The following MYH3 variants were observed in gnomAD, a reference collection of about 807,000 sequenced individuals.
MYH3 encodes the protein myosin heavy chain 3.
Under a neutral mutation model 238.0 loss-of-function variants are expected in MYH3, and 130 were observed. The ratio of observed to expected loss-of-function variants is 0.55; its 90% CI spans 0.47 to 0.63. The LOEUF is 0.63. Among genes scored for constraint, MYH3 ranks in the 30% least tolerant of loss-of-function variants. The pLI is 0.00. For missense variants in MYH3, 1,853 were observed against 2,374.9 expected (o/e 0.78, Z 4.57); for synonymous variants, 880 against 924.1 (o/e 0.95, Z 0.86).
the MYH3 span, among the ~76,000 whole-genome samples, chr17:10,667,103 C>G: frequency 6.6e-6 from 1 of 152,218 alleles, no homozygotes; most frequent in Admixed American, 6.5e-5. Flanking sequence ...CACACACACT[C>G]ACACTTTTCT....
chr17:10,650,152 T>C (rs1261616494), intron 6 of MYH3, among the ~76,000 whole-genome samples: 1 of 151,974 alleles, frequency 6.6e-6, no homozygotes, highest in Non-Finnish European at 1.5e-5. Context: ...TTTTGTATTT[T>C]TTTTAGTAGA....
In MYH3 at chr17:10,638,921, A is replaced by G; in HGVS notation, c.3291T>C (p.Asp1097=). ...GAAACTGGAGGCCCAGTGTCTGCTC[A>G]TCTTCCACTTTGCTTTGAAGTTGAC... ...EYCQLQSKVE[D]EQTLGLQFQK... is the part of the protein sequence containing the mutation. Residue 1097 remains aspartate (D), a synonymous_variant, in exon 26 of 41, where the codon GAT becomes GAC. Transcript: ENST00000583535. 1 of 1,614,222 alleles carries G rather than the reference A, an allele frequency of 6.2e-7. No individual in the cohort carries two copies. Among genetic ancestry groups the G allele is most frequent in the Non-Finnish European group, 8.5e-7 (1 of 1,180,036 alleles).
chr17:10,631,612 T>C lies in MYH3; in HGVS notation c.5285A>G (p.Asp1762Gly), dbSNP rs760480479. Reference sequence around the variant, plus strand: ...GGCAGCAGGAAGGAGACGCCTTACGTCCGTGATGGCCTTCTTGGCCTTCTC... The same window carrying C: ...GGCAGCAGGAAGGAGACGCCTTACGCCCGTGATGGCCTTCTTGGCCTTCTC... ...AEEKAKKAITDAAMMAEELKK... is the reference protein window; with the variant it reads ...AEEKAKKAITGAAMMAEELKK... Residue 1762 changes from aspartate to glycine, a missense_variant and splice_region_variant, in exon 36 of 41, where the codon GAC becomes GGC. By Grantham distance (94) the Asp-to-Gly change is moderately conservative. Around this residue, in one of 3 missense-constraint regions of MYH3, gnomAD observed 1,044 missense variants for 1,192.6 expected, o/e 0.88. Transcript: ENST00000583535. The C allele has an allele frequency of 6.2e-7, 1 of 1,614,140 alleles. No homozygotes were observed. Among genetic ancestry groups the C allele is most frequent in the Non-Finnish European group, 8.5e-7 (1 of 1,180,022 alleles).
chr17:10,633,912 C>T, intron 32 of MYH3, 105 bp downstream of exon 32: 1 of 1,507,206 alleles, frequency 6.6e-7, no homozygotes, highest in South Asian at 1.1e-5. Context: ...TGCATTAACA[C>T]ACATGTGTGC....
At position 10,639,416 on chromosome 17, in the gene MYH3, C is replaced by A. The variant is rs771820066; in HGVS notation, c.2984G>T (p.Arg995Ile). Residue 995 changes from arginine to isoleucine, a missense_variant, in exon 24 of 41, where the codon AGA becomes ATA. By Grantham distance (97) the Arg-to-Ile change is moderately conservative. Coordinates refer to ENST00000583535, the MANE Select transcript of MYH3 (RefSeq NM_002470.4). ...CGCCTCTTGGAGGGCCTTCTTCTCT[C>A]TGGTTAACTTTGCAATTGTTTCATC... ...GLDETIAKLT[R>I]EKKALQEAHQ... The A allele has an allele frequency of 6.2e-7, 1 of 1,614,110 alleles. No homozygotes were observed. The highest frequency in any genetic ancestry group is 1.1e-5 in the South Asian group (1 of 91,072).
upstream of MYH3, among the ~76,000 whole-genome samples, chr17:10,662,028 C>CT (rs113018125): frequency 5.4e-4 from 76 of 140,744 alleles, no homozygotes; most frequent in South Asian, 1.4e-3. Flanking sequence ...TTCTTTCTTT[C>CT]TTTTTTTTTT....
rs200111154 is a variant in MYH3, at chr17:10,630,414, G to C, written c.5331C>G (p.Ser1777Arg). The change falls in exon 37 of 41, where the codon AGC (serine) becomes AGG (arginine). Residue 1777 changes from serine (S) to arginine (R), a missense_variant. Physicochemically the swap from Ser to Arg is moderately radical, Grantham distance 110. Around this residue, in one of 3 missense-constraint regions of MYH3, gnomAD observed 1,044 missense variants for 1,192.6 expected, o/e 0.88. Transcript: ENST00000583535. Reference sequence around the variant, plus strand: ...TCTTCTTCATCCGCTCAAGGTGGGCGCTGGTGTCCTGCTCCTTCTTCAGCT... The same window carrying C: ...TCTTCTTCATCCGCTCAAGGTGGGCCCTGGTGTCCTGCTCCTTCTTCAGCT... ...AEELKKEQDT[S>R]AHLERMKKNL... 1.2e-6 allele frequency: 2 copies of C among 1,614,178 alleles called. No homozygotes were observed. Among genetic ancestry groups the C allele is most frequent in the Non-Finnish European group, 8.5e-7 (1 of 1,180,040 alleles).
In MYH3 at chr17:10,638,165, C is replaced by A. The variant is rs1223550924; in HGVS notation, c.3607G>T (p.Glu1203Ter). ...AGGTTGTCAATCTGCTCCCCAAGCT[C>A]GGCCACACTATCCGCATGCTTCTTC... ...LRKKHADSVA[E>*]LGEQIDNLQR... Residue 1203 changes from glutamate to a stop codon, truncating the protein, a stop_gained, in exon 27 of 41, where the codon GAG becomes TAG. Transcript: ENST00000583535. LOFTEE classifies it high-confidence loss of function. 2 of 1,613,876 alleles carry A rather than the reference C, an allele frequency of 1.2e-6. No homozygotes were observed. The highest frequency in any genetic ancestry group is 1.7e-6 in the Non-Finnish European group (2 of 1,179,996).
At chr17:10,648,144 G>A (rs1015175893) in intron 8 of MYH3, among the ~76,000 whole-genome samples, 1 of 152,012 alleles carries the variant, frequency 6.6e-6, no homozygotes, top group African/African-American at 2.4e-5. Context: ...TCATCTCATG[G>A]AACTGGCCCC....
In MYH3 at chr17:10,634,066, T is replaced by C. The variant is rs371185898; in HGVS notation, c.4473A>G (p.Glu1491=). The stretch of plus-strand genomic sequence containing the variant: ...TCACAGTTTCAAGTTGATCTAAGGC[T>C]TCCTCGTAGGCATTTTTCAGTTTGA... The part of the protein sequence containing the change: ...ELFKLKNAYE[E]ALDQLETVKR... Residue 1491 remains glutamate (E), a synonymous_variant, in exon 32 of 41, where the codon GAA becomes GAG. Transcript: ENST00000583535. The C allele has an allele frequency of 2.5e-6, 4 of 1,614,080 alleles. No individual in the cohort carries two copies. In the African/African-American group the frequency reaches 5.3e-5, roughly 22 times the overall value.
chr17:10,664,553 TGTGA>T, the MYH3 span, among the ~76,000 whole-genome samples: 1 of 152,146 alleles, frequency 6.6e-6, no homozygotes, highest in Non-Finnish European at 1.5e-5. Flanking sequence ...AACTTCGATC[TGTGA>T]GTGAAAGGGA....
upstream of MYH3, among the ~76,000 whole-genome samples, chr17:10,659,963 C>T (rs1416991169): frequency 6.6e-6 from 1 of 152,198 alleles, no homozygotes; most frequent in Admixed American, 6.5e-5. Flanking sequence ...CATTTGGAAA[C>T]GTATCTTTAG....
Position 10,631,834 on chromosome 17 carries a change from C to T in MYH3, c.5139G>A (p.Arg1713=). 6.2e-7 allele frequency: 1 copy of T among 1,614,138 alleles called. No homozygotes were observed. The highest frequency in any genetic ancestry group is 8.5e-7 in the Non-Finnish European group (1 of 1,180,020). ...AEQELLDSNE[R]VQLLHTQNTS... Reference sequence around the variant, plus strand: ...TCACCTGGGTATGCAGCAGCTGCACCCTCTCGTTGGAGTCCAGGAGCTCCT... The same window carrying T: ...TCACCTGGGTATGCAGCAGCTGCACTCTCTCGTTGGAGTCCAGGAGCTCCT... Residue 1713 remains arginine, a synonymous_variant, in exon 35 of 41, where the codon AGG becomes AGA. Transcript: ENST00000583535.
chr17:10,635,261 G>T (rs188363659), intron 30 of MYH3, 106 bp downstream of exon 30: 7 of 1,572,902 alleles, frequency 4.5e-6, no homozygotes, highest in Non-Finnish European at 6.1e-6. Flanking sequence ...TAATGGCCCA[G>T]CACCGCATTT....
At position 10,640,263 on chromosome 17, in the gene MYH3, A is replaced by G; in HGVS notation, c.2427-12T>C. On this transcript the variant is annotated splice_polypyrimidine_tract_variant and intron_variant, in intron 21 of 40. Coordinates refer to ENST00000583535, the MANE Select transcript of MYH3 (RefSeq NM_002470.4). Reference sequence around the variant, plus strand: ...AGAAGATGGACTCCCTAAAAACAAGACATTGCTTATTTCTGAGAGAGACTC... The same window carrying G: ...AGAAGATGGACTCCCTAAAAACAAGGCATTGCTTATTTCTGAGAGAGACTC... 4.3e-6 allele frequency: 7 copies of G among 1,614,202 alleles called. No homozygotes were observed. The highest frequency in any genetic ancestry group is 5.9e-6 in the Non-Finnish European group (7 of 1,180,034).
At chr17:10,662,594 T>C in the MYH3 span, among the ~76,000 whole-genome samples, 2 of 152,206 alleles carry the variant, frequency 1.3e-5, no homozygotes, top group African/African-American at 2.4e-5. Flanking sequence ...ATAAAATTAG[T>C]AATAATTCTA....
chr17:10,630,046 C>T (rs1463588818), intron 38 of MYH3, 46 bp downstream of exon 38: 2 of 1,606,950 alleles, frequency 1.2e-6, no homozygotes, highest in Admixed American at 3.3e-5. Context: ...GATGGAGAAT[C>T]TGCACGTCAC....
At chr17:10,647,329 T>G in intron 9 of MYH3, 34 bp downstream of exon 9, 1 of 1,613,892 alleles carries the variant, frequency 6.2e-7, no homozygotes, top group Non-Finnish European at 8.5e-7. Flanking sequence ...CAGTTAACTC[T>G]GAGACGCCAT....
chr17:10,634,994 G>C lies in MYH3; in HGVS notation c.4202C>G (p.Ser1401Cys). Residue 1401 changes from serine to cysteine, a missense_variant, in exon 31 of 41, where the codon TCC becomes TGC. Coordinates refer to ENST00000583535, the MANE Select transcript of MYH3 (RefSeq NM_002470.4). ...KKKLAQRLQD[S>C]EEQVEAVNAK... ...ATTCACTGCCTCAACCTGTTCCTCGGAATCTTGAAGGCGCTGAGCAAGTTT... is the reference window on the plus strand; with the variant it reads ...ATTCACTGCCTCAACCTGTTCCTCGCAATCTTGAAGGCGCTGAGCAAGTTT... The C allele has an allele frequency of 6.2e-7, 1 of 1,614,096 alleles. No homozygotes were observed. Among genetic ancestry groups the C allele is most frequent in the Non-Finnish European group, 8.5e-7 (1 of 1,180,026 alleles).
Sources: gnomAD v4.1 joint callset for allele counts (sites outside exome capture counted in the v4.1 genomes callset) on GRCh38, gnomAD v4.1.1 for gene constraint, gnomAD v4.1.1 regional missense constraint, MANE v1.5 for transcripts, NCBI Gene and HGNC (gene_info 2026-07-23, HGNC 2026-07-21) for gene names.